The following NMNAT2 variants were observed in gnomAD, a reference collection of about 807,000 sequenced individuals.
NMNAT2 encodes the protein nicotinamide/nicotinic acid mononucleotide adenylyltransferase 2.
A neutral mutation model predicts 41.6 loss-of-function variants in NMNAT2; 11 were observed. The ratio of observed to expected loss-of-function variants is 0.26; its 90% CI spans 0.17 to 0.44. The LOEUF (loss-of-function observed/expected upper bound fraction) is 0.44, where lower values mean the gene tolerates loss of function less well. NMNAT2 is among the 20% of genes least tolerant of loss of function. NMNAT2 has a pLI of 1.00. For missense variants in NMNAT2, 288 were observed against 407.7 expected, an observed-to-expected ratio of 0.71 and a Z score of 2.53; for synonymous variants, 148 against 151.2, an observed-to-expected ratio of 0.98 and a Z score of 0.16.
chr1:183,322,144 C>T (rs1223879816), intron 1 of NMNAT2, among the ~76,000 whole-genome samples: 1 of 152,116 alleles, frequency 6.6e-6, no homozygotes, highest in African/African-American at 2.4e-5. Flanking sequence ...TATTTGGATG[C>T]CTTTAATAAC....
intron 1 of NMNAT2, among the ~76,000 whole-genome samples, chr1:183,311,752 C>T (rs917870751): frequency 2.0e-5 from 3 of 151,810 alleles, no homozygotes; most frequent in Admixed American, 6.6e-5. Flanking sequence ...CACACACACA[C>T]ACACACACAC....
chr1:183,409,046 T>C (rs1188767995), intron 1 of NMNAT2, among the ~76,000 whole-genome samples: 1 of 151,920 alleles, frequency 6.6e-6, no homozygotes, highest in Non-Finnish European at 1.5e-5. Context: ...AGATGAAGGG[T>C]TGGAAAAATG....
intron 1 of NMNAT2, among the ~76,000 whole-genome samples, chr1:183,338,149 T>TCAAAAA (rs768790215): frequency 1.0e-5 from 1 of 96,402 alleles, no homozygotes; most frequent in Non-Finnish European, 1.9e-5. Flanking sequence ...CCCATCTCTT[T>TCAAAAA]AAAAAAAAAA....
At chr1:183,324,655 T>A (rs1039872253) in intron 1 of NMNAT2, among the ~76,000 whole-genome samples, 1 of 152,164 alleles carries the variant, frequency 6.6e-6, no homozygotes, top group African/African-American at 2.4e-5. Context: ...TCCATCTCCC[T>A]TCCTCCTTTG....
At chr1:183,381,485 C>T (rs757514706) in intron 1 of NMNAT2, among the ~76,000 whole-genome samples, 13 of 152,162 alleles carry the variant, frequency 8.5e-5, no homozygotes, top group Non-Finnish European at 1.6e-4. Context: ...AACTTGAGGT[C>T]AGGAGTTCAA....
intron 1 of NMNAT2, among the ~76,000 whole-genome samples, chr1:183,366,793 TGA>T (rs1333631885): frequency 6.6e-6 from 1 of 152,056 alleles, no homozygotes; most frequent in Non-Finnish European, 1.5e-5. Context: ...CAGGAGGGAA[TGA>T]GAGCCAGCAA....
At chr1:183,395,977 G>T (rs1648627229) in intron 1 of NMNAT2, among the ~76,000 whole-genome samples, 1 of 152,118 alleles carries the variant, frequency 6.6e-6, no homozygotes, top group African/African-American at 2.4e-5. Context: ...CTCCTAGTTT[G>T]CTGTTGACCC....
At chr1:183,297,349 T>A (rs1359629727) in intron 1 of NMNAT2, among the ~76,000 whole-genome samples, 1 of 151,370 alleles carries the variant, frequency 6.6e-6, no homozygotes, top group African/African-American at 2.4e-5. Flanking sequence ...CAAGTCTACA[T>A]AAACTCTTCT....
At chr1:183,347,219 C>T (rs776366513) in intron 1 of NMNAT2, among the ~76,000 whole-genome samples, 64 of 152,180 alleles carry the variant, frequency 4.2e-4, no homozygotes, top group Non-Finnish European at 6.5e-4. Context: ...TTTTGGAGGC[C>T]GAGGCTAGAG....
At chr1:183,370,111 G>C (rs1663499462) in intron 1 of NMNAT2, among the ~76,000 whole-genome samples, 2 of 151,848 alleles carry the variant, frequency 1.3e-5, no homozygotes, top group South Asian at 4.2e-4. Flanking sequence ...GAAGCAGAAG[G>C]GTGGCAAAGG....
chr1:183,340,361 C>T (rs1662769503), intron 1 of NMNAT2, among the ~76,000 whole-genome samples: 1 of 148,398 alleles, frequency 6.7e-6, no homozygotes, highest in Non-Finnish European at 1.5e-5. Context: ...GTTGCTCTGC[C>T]ACCCAGGCTA....
intron 1 of NMNAT2, among the ~76,000 whole-genome samples, chr1:183,375,707 C>T (rs184294281): frequency 1.7e-3 from 252 of 152,316 alleles, no homozygotes; most frequent in Non-Finnish European, 2.8e-3. Context: ...ACCTTGGTGG[C>T]ATTACTTCTT....
At chr1:183,301,043 G>C (rs367812498) in intron 1 of NMNAT2, among the ~76,000 whole-genome samples, 1 of 152,148 alleles carries the variant, frequency 6.6e-6, no homozygotes, top group African/African-American at 2.4e-5. Context: ...GTCAGATCTC[G>C]CCTTTATTTA....
intron 1 of NMNAT2, among the ~76,000 whole-genome samples, chr1:183,366,054 AC>A (rs762722485): frequency 2.6e-5 from 4 of 152,078 alleles, no homozygotes; most frequent in Non-Finnish European, 4.4e-5. Context: ...ATACCACTAC[AC>A]CCTGGGGTAA....
intron 8 of NMNAT2, among the ~76,000 whole-genome samples, chr1:183,273,252 C>T (rs1195717509): frequency 1.3e-5 from 2 of 152,222 alleles, no homozygotes; most frequent in South Asian, 2.1e-4. Context: ...CCGCCTGATT[C>T]GTGAATTGTT....
At chr1:183,384,409 A>G (rs1461134741) in intron 1 of NMNAT2, among the ~76,000 whole-genome samples, 2 of 152,166 alleles carry the variant, frequency 1.3e-5, no homozygotes, top group African/African-American at 2.4e-5. Flanking sequence ...CATGTTGGCC[A>G]TGCTCGTCTC....
rs557584168 is a variant in NMNAT2 at position 183,277,303 on chromosome 1, C to A, written c.651+1250G>T. Among the ~76,000 whole-genome samples, 452 of 152,028 alleles carry A rather than the reference C, an allele frequency of 3.0e-3. 7 individuals are homozygous for A. Among genetic ancestry groups the A allele is most frequent in the African/African-American group, 9.4e-3 (390 of 41,490 alleles). On this transcript the variant is annotated intron_variant, in intron 8 of 10. Transcript: ENST00000287713. ...TTCGAGACCAGCCTGGTCAACATGG[C>A]AAAATTCTGTCTCTACTAAAAATAC...
chr1:183,282,622 G>A (rs1370602529), intron 7 of NMNAT2, among the ~76,000 whole-genome samples: 1 of 152,252 alleles, frequency 6.6e-6, no homozygotes, highest in African/African-American at 2.4e-5. Flanking sequence ...TGGGAAGGCA[G>A]CAGGTGGTGA....
intron 1 of NMNAT2, among the ~76,000 whole-genome samples, chr1:183,394,568 T>C (rs1648578524): frequency 1.3e-5 from 2 of 152,172 alleles, no homozygotes; most frequent in African/African-American, 2.4e-5. Flanking sequence ...GAAAAGACAA[T>C]GGGGTAGGAC....
Sources: gnomAD v4.1 joint callset for allele counts (sites outside exome capture counted in the v4.1 genomes callset) on GRCh38, gnomAD v4.1.1 for gene constraint, MANE v1.5 for transcripts, NCBI Gene and HGNC (gene_info 2026-07-23, HGNC 2026-07-21) for gene names.